ZMAT4: variants seen among roughly 807,000 people sequenced by gnomAD.
ZMAT4 encodes zinc finger matrin-type 4, also known as zinc finger matrin-type protein 4.
A neutral mutation model predicts 28.7 loss-of-function variants in ZMAT4; 17 were observed. The observed-to-expected ratio is 0.59, with a 90% CI of 0.41 to 0.89. ZMAT4 has a LOEUF of 0.89. Ranked by LOEUF, ZMAT4 falls within the 40% of genes least tolerant of loss-of-function variation. The pLI is 0.00. For missense variants in ZMAT4, 240 were observed against 283.8 expected (o/e 0.85, Z 1.11); for synonymous variants, 117 against 109.2 (o/e 1.07, Z -0.44).
intron 2 of ZMAT4, among the ~76,000 whole-genome samples, chr8:40,812,582 G>T (rs1236722420): frequency 2.6e-5 from 4 of 152,174 alleles, no homozygotes; most frequent in South Asian, 4.1e-4. Flanking sequence ...GACAGAAAAT[G>T]ACACGACAGA....
intron 5 of ZMAT4, among the ~76,000 whole-genome samples, chr8:40,583,130 T>C (rs1804548986): frequency 6.6e-6 from 1 of 152,172 alleles, no homozygotes; most frequent in Admixed American, 6.5e-5. Flanking sequence ...CTTAAGCCTG[T>C]GGAGAAGGGA....
intron 6 of ZMAT4, among the ~76,000 whole-genome samples, chr8:40,540,883 C>A (rs1803008967): frequency 6.6e-6 from 1 of 152,172 alleles, no homozygotes; most frequent in African/African-American, 2.4e-5. Context: ...GTACAGAGAG[C>A]ATCCAAGATG....
intron 2 of ZMAT4, among the ~76,000 whole-genome samples, chr8:40,771,097 A>G (rs773248081): frequency 6.6e-6 from 1 of 152,206 alleles, no homozygotes; most frequent in Non-Finnish European, 1.5e-5. Flanking sequence ...CAGAAGGCTG[A>G]TAAAGCAGCC....
intron 5 of ZMAT4, among the ~76,000 whole-genome samples, chr8:40,586,230 T>G (rs1213845212): frequency 6.6e-6 from 1 of 152,154 alleles, no homozygotes; most frequent in Non-Finnish European, 1.5e-5. Flanking sequence ...ATATGAGTCT[T>G]CTTTTCCTTA....
At chr8:40,844,366 G>C (rs779021661) in intron 1 of ZMAT4, among the ~76,000 whole-genome samples, 1 of 152,174 alleles carries the variant, frequency 6.6e-6, no homozygotes, top group Non-Finnish European at 1.5e-5. Flanking sequence ...TTGAGGGCTA[G>C]AATGGGACAA....
chr8:40,552,819 C>T (rs2118428746), intron 6 of ZMAT4, among the ~76,000 whole-genome samples: 1 of 152,262 alleles, frequency 6.6e-6, no homozygotes, highest in Admixed American at 6.5e-5. Flanking sequence ...GATTATTTCA[C>T]ACTCTTCCCT....
chr8:40,786,410 T>C (rs976987051), intron 2 of ZMAT4, among the ~76,000 whole-genome samples: 1 of 152,118 alleles, frequency 6.6e-6, no homozygotes, highest in Non-Finnish European at 1.5e-5. Context: ...TGAATGGTTA[T>C]GAATTATAGA....
At chr8:40,753,821 C>A (rs1812558126) in intron 3 of ZMAT4, among the ~76,000 whole-genome samples, 1 of 152,140 alleles carries the variant, frequency 6.6e-6, no homozygotes, top group South Asian at 2.1e-4. Flanking sequence ...CCAGAGGTGA[C>A]AAAGATTCTT....
At chr8:40,825,708 A>G in intron 1 of ZMAT4, 28 bp from the exon 2 acceptor site, 2 of 1,513,784 alleles carry the variant, frequency 1.3e-6, no homozygotes, top group Non-Finnish European at 1.8e-6. Context: ...GAAAAGAAAA[A>G]TGAGTCCACT....
At chr8:40,704,522 T>A (rs986539003) in intron 3 of ZMAT4, among the ~76,000 whole-genome samples, 1 of 152,258 alleles carries the variant, frequency 6.6e-6, no homozygotes, top group African/African-American at 2.4e-5. Flanking sequence ...CATTTTGATT[T>A]GGTCCTGCCC....
At chr8:40,820,767 GTATA>G (rs1815754846) in intron 2 of ZMAT4, among the ~76,000 whole-genome samples, 1 of 114 alleles carries the variant, frequency 8.8e-3, no homozygotes, top group Non-Finnish European at 0.017. Flanking sequence ...ATATGCATGT[GTATA>G]TGTGTTTATG....
At chr8:40,556,225 CT>C (rs1342278862) in intron 6 of ZMAT4, among the ~76,000 whole-genome samples, 3 of 152,140 alleles carry the variant, frequency 2.0e-5, no homozygotes, top group Non-Finnish European at 4.4e-5. Flanking sequence ...ATTCTCAAAT[CT>C]TGTATTTCCA....
intron 5 of ZMAT4, among the ~76,000 whole-genome samples, chr8:40,648,234 C>G (rs4038697): frequency 6.6e-6 from 1 of 151,880 alleles, no homozygotes; most frequent in Non-Finnish European, 1.5e-5. Context: ...CTTAAAGGAG[C>G]TGATGGAGCT....
At chr8:40,795,520 G>C (rs979391521) in intron 2 of ZMAT4, among the ~76,000 whole-genome samples, 5 of 152,178 alleles carry the variant, frequency 3.3e-5, no homozygotes, top group African/African-American at 1.2e-4. Flanking sequence ...TAGGCTGAGA[G>C]GAGAATTTAG....
intron 6 of ZMAT4, among the ~76,000 whole-genome samples, chr8:40,566,274 A>C (rs1290240402): frequency 6.6e-6 from 1 of 152,152 alleles, no homozygotes; most frequent in African/African-American, 2.4e-5. Flanking sequence ...AAGGTTGACT[A>C]GTTATTTTAT....
intron 3 of ZMAT4, among the ~76,000 whole-genome samples, chr8:40,721,995 C>T (rs1194116549): frequency 6.6e-6 from 1 of 151,788 alleles, no homozygotes; most frequent in Non-Finnish European, 1.5e-5. Context: ...AACTGGATCC[C>T]TTCCTTACAC....
At chr8:40,828,100 T>A (rs1207751941) in intron 1 of ZMAT4, among the ~76,000 whole-genome samples, 1 of 152,176 alleles carries the variant, frequency 6.6e-6, no homozygotes, top group Non-Finnish European at 1.5e-5. Flanking sequence ...ATGGTCTACA[T>A]GAGGCAAAGG....
chr8:40,793,825 C>T (rs1814466535), intron 2 of ZMAT4, among the ~76,000 whole-genome samples: 1 of 152,146 alleles, frequency 6.6e-6, no homozygotes, highest in Admixed American at 6.5e-5. Flanking sequence ...CCTCTTGTCA[C>T]CTTCTTCAGG....
intron 6 of ZMAT4, among the ~76,000 whole-genome samples, chr8:40,568,343 A>T (rs1352417226): frequency 6.6e-6 from 1 of 152,200 alleles, no homozygotes; most frequent in Non-Finnish European, 1.5e-5. Flanking sequence ...AAAACGAGGC[A>T]GAAGACCACA....
Sources: allele counts gnomAD v4.1 joint callset (sites outside exome capture counted in the v4.1 genomes callset), GRCh38; gene constraint gnomAD v4.1.1; transcripts MANE v1.5; gene names NCBI Gene and HGNC (gene_info 2026-07-23, HGNC 2026-07-21).